The following DPP10 variants were observed in gnomAD, a reference collection of about 807,000 sequenced individuals.
The protein encoded by DPP10 is dipeptidyl peptidase like 10.
DPP10 carries 33 observed loss-of-function variants against 120.9 expected under a neutral mutation model. That is an observed-to-expected ratio of 0.27 (90% CI 0.21 to 0.37). The LOEUF (loss-of-function observed/expected upper bound fraction) is 0.37. Ranked by LOEUF, DPP10 falls within the 10% of genes least tolerant of loss-of-function variation. The pLI, the probability that DPP10 is intolerant of heterozygous loss-of-function variation, is 1.00. For missense variants in DPP10, 816 were observed against 942.8 expected (o/e 0.87, Z 1.76); for synonymous variants, 337 against 326.1 (o/e 1.03, Z -0.36).
intron 1 of DPP10, among the ~76,000 whole-genome samples, chr2:115,286,477 TG>T (rs1559366405): frequency 5.5e-5 from 5 of 91,670 alleles, no homozygotes; most frequent in Middle Eastern, 4.3e-3. Context: ...AATATATATA[TG>T]TAATATATAT....
chr2:115,071,634 G>A (rs971041886), intron 1 of DPP10, among the ~76,000 whole-genome samples: 1 of 151,854 alleles, frequency 6.6e-6, no homozygotes, highest in Non-Finnish European at 1.5e-5. Flanking sequence ...ACTCAGAAGT[G>A]AGTTTCAAGT....
intron 1 of DPP10, among the ~76,000 whole-genome samples, chr2:115,206,698 T>C (rs2056156213): frequency 6.6e-6 from 1 of 152,164 alleles, no homozygotes; most frequent in African/African-American, 2.4e-5. Context: ...GGGCAACCAT[T>C]TTATTATTCC....
At chr2:115,672,323 C>G (rs1189344161) in intron 5 of DPP10, among the ~76,000 whole-genome samples, 1 of 151,658 alleles carries the variant, frequency 6.6e-6, no homozygotes, top group Non-Finnish European at 1.5e-5. Flanking sequence ...ACAAAATACT[C>G]TATTTTTTTT....
At chr2:114,983,531 G>T (rs920684483) in intron 1 of DPP10, among the ~76,000 whole-genome samples, 1 of 152,026 alleles carries the variant, frequency 6.6e-6, no homozygotes, top group Non-Finnish European at 1.5e-5. Flanking sequence ...TAATATAATT[G>T]GTTCCATTAA....
chr2:115,545,753 AG>A (rs2079462457), intron 5 of DPP10, among the ~76,000 whole-genome samples: 2 of 152,210 alleles, frequency 1.3e-5, no homozygotes, highest in African/African-American at 4.8e-5. Flanking sequence ...TGGCTCACAA[AG>A]ACTATATGGG....
intron 1 of DPP10, among the ~76,000 whole-genome samples, chr2:114,754,604 A>G (rs763786768): frequency 3.9e-5 from 6 of 152,172 alleles, no homozygotes; most frequent in Non-Finnish European, 8.8e-5. Flanking sequence ...CCTTTTATCA[A>G]TAAACTTCAA....
chr2:115,226,292 ATAT>A (rs1293996336), intron 1 of DPP10, among the ~76,000 whole-genome samples: 1 of 152,094 alleles, frequency 6.6e-6, no homozygotes, highest in Non-Finnish European at 1.5e-5. Context: ...ATAGTTCTAG[ATAT>A]TATGTGCTAA....
intron 3 of DPP10, among the ~76,000 whole-genome samples, chr2:115,363,092 C>G (rs535619724): frequency 6.6e-6 from 1 of 152,262 alleles, no homozygotes; most frequent in South Asian, 2.1e-4. Context: ...GAAGCTTAAA[C>G]CTATCTGGTC....
At chr2:114,554,398 G>A (rs953203332) in intron 1 of DPP10, among the ~76,000 whole-genome samples, 1 of 152,220 alleles carries the variant, frequency 6.6e-6, no homozygotes, top group African/African-American at 2.4e-5. Context: ...CCTTGGGCAG[G>A]TCTTGCCCCC....
chr2:114,820,228 T>C (rs1345161870), intron 1 of DPP10, among the ~76,000 whole-genome samples: 1 of 152,148 alleles, frequency 6.6e-6, no homozygotes, highest in Non-Finnish European at 1.5e-5. Flanking sequence ...CATGAGATAA[T>C]ATTATTATCA....
At chr2:115,455,840 A>AT (rs1393119324) in intron 3 of DPP10, among the ~76,000 whole-genome samples, 1 of 152,044 alleles carries the variant, frequency 6.6e-6, no homozygotes, top group Non-Finnish European at 1.5e-5. Flanking sequence ...AGACTTAAAC[A>AT]TAAGACTAAA....
At chr2:114,886,325 T>G (rs1036096991) in intron 1 of DPP10, among the ~76,000 whole-genome samples, 1 of 152,200 alleles carries the variant, frequency 6.6e-6, no homozygotes, top group African/African-American at 2.4e-5. Context: ...ATCCTTTATG[T>G]CAGACACAAC....
intron 16 of DPP10, among the ~76,000 whole-genome samples, chr2:115,781,222 A>G (rs1682730333): frequency 6.6e-6 from 1 of 151,940 alleles, no homozygotes; most frequent in Non-Finnish European, 1.5e-5. Flanking sequence ...CATAATTAAT[A>G]AGTGCTATTT....
At chr2:115,480,573 T>A (rs530215774) in intron 3 of DPP10, among the ~76,000 whole-genome samples, 6 of 152,168 alleles carry the variant, frequency 3.9e-5, no homozygotes, top group Admixed American at 3.3e-4. Flanking sequence ...AAGACAGTTA[T>A]CTACCCTTTT....
intron 1 of DPP10, among the ~76,000 whole-genome samples, chr2:114,778,565 T>C (rs1023582880): frequency 2.0e-5 from 3 of 152,094 alleles, no homozygotes; most frequent in Non-Finnish European, 4.4e-5. Context: ...ATCCATCTAA[T>C]GGCTTTGTTA....
intron 1 of DPP10, among the ~76,000 whole-genome samples, chr2:114,949,411 A>G (rs569447741): frequency 1.3e-5 from 2 of 152,272 alleles, no homozygotes; most frequent in East Asian, 3.9e-4. Flanking sequence ...GTATTGCTGG[A>G]AGCCACTAGT....
intron 13 of DPP10, among the ~76,000 whole-genome samples, chr2:115,769,629 T>C (rs981745762): frequency 4.6e-5 from 7 of 152,040 alleles, no homozygotes; most frequent in African/African-American, 1.7e-4. Context: ...TGTGATCCTA[T>C]TTATGCTCTA....
At chr2:115,183,031 G>A (rs902120372) in intron 1 of DPP10, among the ~76,000 whole-genome samples, 1 of 148,744 alleles carries the variant, frequency 6.7e-6, no homozygotes, top group African/African-American at 2.5e-5. Flanking sequence ...ACACACACAC[G>A]TACGTGCATG....
chr2:114,478,098 T>A (rs557750984), intron 1 of DPP10, among the ~76,000 whole-genome samples: 1 of 151,888 alleles, frequency 6.6e-6, no homozygotes, highest in Non-Finnish European at 1.5e-5. Flanking sequence ...ACAGCTAATA[T>A]TACCCTGAAA....
Sources: allele counts gnomAD v4.1 joint callset (sites outside exome capture counted in the v4.1 genomes callset), GRCh38; gene constraint gnomAD v4.1.1; transcripts MANE v1.5; gene names NCBI Gene and HGNC (gene_info 2026-07-23, HGNC 2026-07-21).